The following FOXP2 variants were observed in gnomAD, a reference collection of about 807,000 sequenced individuals.
FOXP2 encodes forkhead box P2.
In FOXP2, 12 loss-of-function variants were observed where a neutral mutation model predicts 115.8. The observed-to-expected ratio is 0.10, with a 90% CI of 0.07 to 0.17. The LOEUF (loss-of-function observed/expected upper bound fraction) is 0.17, where lower values mean the gene tolerates loss of function less well. Among genes scored for constraint, FOXP2 ranks in the 10% least tolerant of loss-of-function variants. FOXP2 has a pLI of 1.00. For missense variants in FOXP2, 629 were observed against 843.5 expected (o/e 0.75, Z 3.15); for synonymous variants, 328 against 297.7 (o/e 1.10, Z -1.05).
At chr7:114,516,658 T>C (rs1298539942) in intron 2 of FOXP2, among the ~76,000 whole-genome samples, 1 of 151,994 alleles carries the variant, frequency 6.6e-6, no homozygotes, top group Non-Finnish European at 1.5e-5. Flanking sequence ...TCCTAACCAA[T>C]ACTTGGTAAT....
chr7:114,401,413 T>C (rs116106691), intron 2 of FOXP2, among the ~76,000 whole-genome samples: 1 of 152,160 alleles, frequency 6.6e-6, no homozygotes, highest in African/African-American at 2.4e-5. Flanking sequence ...ATAAAAGTTA[T>C]CTCCTACTTG....
intron 6 of FOXP2, among the ~76,000 whole-genome samples, chr7:114,641,557 A>C (rs1413641941): frequency 6.6e-6 from 1 of 152,078 alleles, no homozygotes; most frequent in Non-Finnish European, 1.5e-5. Flanking sequence ...CCTCTGAGAA[A>C]TATCAAAATG....
At chr7:114,597,328 G>T (rs1051500609) in intron 3 of FOXP2, among the ~76,000 whole-genome samples, 1 of 152,064 alleles carries the variant, frequency 6.6e-6, no homozygotes, top group Admixed American at 6.6e-5. Flanking sequence ...AACTATGCAA[G>T]TGTGCCAAAT....
chr7:114,545,287 T>A (rs1799860726), intron 3 of FOXP2, among the ~76,000 whole-genome samples: 1 of 152,196 alleles, frequency 6.6e-6, no homozygotes, highest in Admixed American at 6.5e-5. Flanking sequence ...AGTTATTGAA[T>A]CTCATCCCAG....
At chr7:114,242,685 C>T (rs754626148) in intron 1 of FOXP2, among the ~76,000 whole-genome samples, 28 of 152,220 alleles carry the variant, frequency 1.8e-4, no homozygotes, top group Non-Finnish European at 3.8e-4. Flanking sequence ...CTCACTAGAA[C>T]GTTTCTCTCT....
At chr7:114,438,071 C>G (rs937844580) in intron 2 of FOXP2, among the ~76,000 whole-genome samples, 8 of 151,920 alleles carry the variant, frequency 5.3e-5, no homozygotes, top group Non-Finnish European at 4.4e-5. Context: ...ACCATTTCAC[C>G]TGTTTTTATT....
At chr7:114,325,610 C>A (rs980023242) in intron 2 of FOXP2, among the ~76,000 whole-genome samples, 1 of 151,800 alleles carries the variant, frequency 6.6e-6, no homozygotes, top group African/African-American at 2.4e-5. Context: ...TATATTCCAT[C>A]ATTTCAGAAA....
At chr7:114,548,951 T>C (rs1800066597) in intron 3 of FOXP2, among the ~76,000 whole-genome samples, 1 of 152,208 alleles carries the variant, frequency 6.6e-6, no homozygotes, top group Non-Finnish European at 1.5e-5. Flanking sequence ...CTATTACATA[T>C]TAGATTCTGG....
intron 1 of FOXP2, among the ~76,000 whole-genome samples, chr7:114,258,785 C>A (rs1384126156): frequency 6.6e-6 from 1 of 152,088 alleles, no homozygotes; most frequent in Non-Finnish European, 1.5e-5. Context: ...AAGTAGTAGA[C>A]AAGATGAAGA....
intron 6 of FOXP2, among the ~76,000 whole-genome samples, chr7:114,637,420 CCGA>C: frequency 6.6e-6 from 1 of 152,104 alleles, no homozygotes; most frequent in South Asian, 2.1e-4. Context: ...ATAAGAGAAA[CCGA>C]ATAATCTTCA....
chr7:114,279,011 G>A (rs1796262386), intron 1 of FOXP2, among the ~76,000 whole-genome samples: 1 of 152,152 alleles, frequency 6.6e-6, no homozygotes, highest in Admixed American at 6.6e-5. Context: ...GGGTAGATTA[G>A]AATAGAAGGT....
intron 2 of FOXP2, among the ~76,000 whole-genome samples, chr7:114,349,965 T>G (rs1791441367): frequency 6.6e-6 from 1 of 152,084 alleles, no homozygotes; most frequent in Non-Finnish European, 1.5e-5. Flanking sequence ...GGAAATGCTA[T>G]GTTACAGAAT....
chr7:114,228,212 G>A (rs913858761), intron 1 of FOXP2, among the ~76,000 whole-genome samples: 3 of 151,988 alleles, frequency 2.0e-5, no homozygotes, highest in Admixed American at 1.3e-4. Context: ...CTAGACAAGA[G>A]TGTTCTTGAA....
At chr7:114,622,545 C>T (rs1441894365) in intron 3 of FOXP2, among the ~76,000 whole-genome samples, 1 of 151,808 alleles carries the variant, frequency 6.6e-6, no homozygotes, top group Non-Finnish European at 1.5e-5. Context: ...GGGCTAGTGT[C>T]TTTTGCTGCC....
chr7:114,246,171 A>G (rs1452719614), intron 1 of FOXP2, among the ~76,000 whole-genome samples: 1 of 152,162 alleles, frequency 6.6e-6, no homozygotes, highest in Non-Finnish European at 1.5e-5. Flanking sequence ...ACTATAAAGA[A>G]TATTCTTAAA....
At chr7:114,592,149 G>C (rs1439151595) in intron 3 of FOXP2, among the ~76,000 whole-genome samples, 2 of 151,978 alleles carry the variant, frequency 1.3e-5, no homozygotes, top group Non-Finnish European at 2.9e-5. Flanking sequence ...CATTAAAAAT[G>C]CTTTTCAAAT....
intron 1 of FOXP2, among the ~76,000 whole-genome samples, chr7:114,146,655 GTA>G (rs902316073): frequency 2.0e-5 from 3 of 152,158 alleles, no homozygotes; most frequent in Non-Finnish European, 2.9e-5. Flanking sequence ...CATTATAAAC[GTA>G]AAAAACTTCA....
chr7:114,387,107 A>G (rs1792472854), intron 2 of FOXP2, among the ~76,000 whole-genome samples: 1 of 152,194 alleles, frequency 6.6e-6, no homozygotes, highest in African/African-American at 2.4e-5. Context: ...AAATATAAAT[A>G]CATATATGTT....
At chr7:114,157,639 C>T (rs118022889) in intron 1 of FOXP2, among the ~76,000 whole-genome samples, 360 of 152,198 alleles carry the variant, frequency 2.4e-3, no homozygotes, top group Admixed American at 4.2e-3. Context: ...CTAGTTGATG[C>T]ACTTGTAAGA....
Sources: gnomAD v4.1 joint callset for allele counts (sites outside exome capture counted in the v4.1 genomes callset) on GRCh38, gnomAD v4.1.1 for gene constraint, MANE v1.5 for transcripts, NCBI Gene and HGNC (gene_info 2026-07-23, HGNC 2026-07-21) for gene names.